The following QKI variants were observed in gnomAD, a reference collection of about 807,000 sequenced individuals.
QKI encodes the protein KH domain-containing RNA-binding protein QKI.
In QKI, 10 loss-of-function variants were observed where a neutral mutation model predicts 39.0. The observed-to-expected ratio is 0.26, with a 90% CI of 0.16 to 0.43. The LOEUF (loss-of-function observed/expected upper bound fraction) is 0.43, where lower values mean the gene tolerates loss of function less well. Among genes scored for constraint, QKI ranks in the 20% least tolerant of loss-of-function variants. QKI has a pLI of 1.00. For missense variants in QKI, 218 were observed against 428.0 expected, an observed-to-expected ratio of 0.51 and a Z score of 4.33; for synonymous variants, 204 against 155.4, an observed-to-expected ratio of 1.31 and a Z score of -2.33.
At chr6:163,564,168 T>C (rs1160739764) in intron 6 of QKI, 1 of 1,021,178 alleles carries the variant, frequency 9.8e-7, no homozygotes, top group East Asian at 9.1e-5. Context: ...ATTCATATTA[T>C]TGTGTGTGTT....
At chr6:163,480,908 T>G (rs1793026539) in intron 3 of QKI, among the ~76,000 whole-genome samples, 1 of 152,188 alleles carries the variant, frequency 6.6e-6, no homozygotes, top group Admixed American at 6.5e-5. Flanking sequence ...ACAAAACCCC[T>G]TTTTCCCTGC....
At chr6:163,500,103 G>A (rs936833553) in intron 3 of QKI, among the ~76,000 whole-genome samples, 1 of 152,160 alleles carries the variant, frequency 6.6e-6, no homozygotes, top group South Asian at 2.1e-4. Flanking sequence ...ACTGTCCAAG[G>A]AATAGCAAAG....
Position 163,577,588 on chromosome 6 carries a change from CTCCT to C in QKI, c.*6883_*6886del, listed in dbSNP as rs200710332. 0.027 allele frequency: 4,072 copies of C among 152,718 alleles called. 95 individuals are homozygous for C. The highest frequency in any genetic ancestry group is 0.035 in the South Asian group (169 of 4,828). 9.5% of individuals were successfully genotyped at this position (152,718 alleles called of 1,614,324 possible). A position where few individuals can be genotyped will look rare whatever the true frequency, so the allele number is the denominator to read the frequency against. The stretch of plus-strand genomic sequence containing the variant: ...TCCCTGGTTAGTCGCCACCCCACCA[CTCCT>C]TCCTGTCTCTAGTGTCACACTTGGG... On this transcript the variant is annotated 3_prime_UTR_variant, in exon 8 of 8. Transcript: ENST00000361752.
chr6:163,565,777 C>T (rs1188413274), intron 6 of QKI: 1 of 1,290,626 alleles, frequency 7.7e-7, no homozygotes, highest in Admixed American at 3.3e-5. Flanking sequence ...AATTTGCACA[C>T]AGATAACATG....
rs570938802 is a variant in QKI, at chr6:163,461,264, T to C, written c.285+5843T>C. ...GGGATATACCACATTTCTTAGAATGTTAGTAAATAATTACAGAAAGGGTTA... is the reference window on the plus strand; with the variant it reads ...GGGATATACCACATTTCTTAGAATGCTAGTAAATAATTACAGAAAGGGTTA... On this transcript the variant is annotated intron_variant, in intron 2 of 7. Transcript: ENST00000361752. Among the ~76,000 whole-genome samples, 57 of 152,340 alleles carry C rather than the reference T, an allele frequency of 3.7e-4. 1 individual carries two copies. The highest frequency in any genetic ancestry group is 1.3e-3 in the African/African-American group (55 of 41,582).
At chr6:163,487,988 C>A (rs1777785095) in intron 3 of QKI, among the ~76,000 whole-genome samples, 1 of 152,022 alleles carries the variant, frequency 6.6e-6, no homozygotes, top group Non-Finnish European at 1.5e-5. Context: ...TCTTTATTTG[C>A]TAGTTTTTAA....
chr6:163,437,646 C>T (rs577825859), intron 1 of QKI, among the ~76,000 whole-genome samples: 2 of 152,242 alleles, frequency 1.3e-5, no homozygotes, highest in South Asian at 4.1e-4. Flanking sequence ...AGTAATGTTA[C>T]TGTTTCACAT....
chr6:163,531,431 G>T (rs1022357344), intron 3 of QKI, among the ~76,000 whole-genome samples: 4 of 152,190 alleles, frequency 2.6e-5, no homozygotes, highest in African/African-American at 4.8e-5. Flanking sequence ...GTGGACAGGG[G>T]ATATGGGAAT....
intron 3 of QKI, among the ~76,000 whole-genome samples, chr6:163,529,473 C>G (rs1280684291): frequency 2.6e-5 from 4 of 151,968 alleles, no homozygotes; most frequent in Admixed American, 2.0e-4. Flanking sequence ...TTGGAGCAAA[C>G]TTTCTAATAG....
intron 3 of QKI, among the ~76,000 whole-genome samples, chr6:163,524,411 A>C (rs1476363543): frequency 1.3e-5 from 2 of 152,158 alleles, no homozygotes; most frequent in South Asian, 2.1e-4. Flanking sequence ...ACCGCTAGTC[A>C]TGTCATTTTA....
At chr6:163,467,374 G>A (rs1791844401) in intron 2 of QKI, among the ~76,000 whole-genome samples, 1 of 152,208 alleles carries the variant, frequency 6.6e-6, no homozygotes, top group African/African-American at 2.4e-5. Context: ...CATATGTTTA[G>A]AACTTTCTCA....
rs901853670 is a variant in QKI, at chr6:163,576,972, G to T, written c.*6262G>T. On this transcript the variant is annotated 3_prime_UTR_variant, in exon 8 of 8. Transcript: ENST00000361752. ...AAACATTTTTTTATCTTTAATAAAT[G>T]GTACAGTTTTTATGTAGTTTTCGAA... is the stretch of plus-strand genomic sequence containing the variant. The T allele has an allele frequency of 6.6e-6, 1 of 152,036 alleles. No homozygotes were observed. Among genetic ancestry groups the T allele is most frequent in the African/African-American group, 2.4e-5 (1 of 41,406 alleles). The allele number at this position is 152,036 out of a possible 1,614,324, so 9.4% of individuals were successfully genotyped here.
At chr6:163,558,387 T>G (rs1262894881) in intron 4 of QKI, among the ~76,000 whole-genome samples, 1 of 151,402 alleles carries the variant, frequency 6.6e-6, no homozygotes, top group African/African-American at 2.4e-5. Context: ...TGTTGTCTCT[T>G]CTTTTTTTTT....
intron 3 of QKI, among the ~76,000 whole-genome samples, chr6:163,491,813 A>T (rs1347111390): frequency 2.0e-5 from 3 of 152,210 alleles, no homozygotes; most frequent in African/African-American, 7.2e-5. Flanking sequence ...CAATAAGAAT[A>T]GACTTTTGTT....
intron 3 of QKI, among the ~76,000 whole-genome samples, chr6:163,518,953 G>T (rs1779991193): frequency 6.6e-6 from 1 of 152,114 alleles, no homozygotes; most frequent in African/African-American, 2.4e-5. Flanking sequence ...ATGTAAATAG[G>T]TATTTAGAGT....
At chr6:163,554,860 A>G (rs767849334) in intron 4 of QKI, among the ~76,000 whole-genome samples, 38 of 152,220 alleles carry the variant, frequency 2.5e-4, no homozygotes, top group Non-Finnish European at 3.8e-4. Context: ...GACCTATCTC[A>G]GTAATCACGC....
chr6:163,578,016 ATATCT>A lies in QKI; in HGVS notation c.*7308_*7312del, dbSNP rs764405326. The stretch of plus-strand genomic sequence containing the variant: ...TAATAGTCATGGTAAGTTTGGCATC[ATATCT>A]TCCCCAAAAAATGTTTATTAAAATT... On this transcript the variant is annotated 3_prime_UTR_variant, in exon 8 of 8. Coordinates refer to ENST00000361752, the MANE Select transcript of QKI (RefSeq NM_006775.3). The A allele has an allele frequency of 2.2e-4, 33 of 152,172 alleles. No individual in the cohort carries two copies. Among genetic ancestry groups the A allele is most frequent in the Non-Finnish European group, 2.8e-4 (19 of 68,036 alleles). The allele number at this position is 152,172 out of a possible 1,614,324, so 9.4% of individuals were successfully genotyped here.
rs1783759979 is a variant in QKI at position 163,572,670 on chromosome 6, A to ACACCCCCCCCC, written c.*1961_*1962insACCCCCCCCCC. 1.5e-4 allele frequency: 3 copies of ACACCCCCCCCC among 19,630 alleles called. No homozygotes were observed. The highest frequency in any genetic ancestry group is 2.2e-4 in the African/African-American group (1 of 4,496). 1.2% of individuals were successfully genotyped at this position (19,630 alleles called of 1,614,324 possible). A position where few individuals can be genotyped will look rare whatever the true frequency, so the allele number is the denominator to read the frequency against. On this transcript the variant is annotated 3_prime_UTR_variant, in exon 8 of 8. Coordinates refer to ENST00000361752, the MANE Select transcript of QKI (RefSeq NM_006775.3). Reference sequence around the variant, plus strand: ...CGTGGCAAATCTCAAGTGACAGTGGACCCCCCCCCCCGCCCAGCTTATCAA... The same window carrying ACACCCCCCCCC: ...CGTGGCAAATCTCAAGTGACAGTGGACACCCCCCCCCCCCCCCCCCCCGCCCAGCTTATCAA...
chr6:163,449,171 G>A (rs1260223906), intron 1 of QKI, among the ~76,000 whole-genome samples: 1 of 152,136 alleles, frequency 6.6e-6, no homozygotes, highest in African/African-American at 2.4e-5. Flanking sequence ...AGACAGTGTG[G>A]AAATACTGGA....
Sources: allele counts gnomAD v4.1 joint callset (sites outside exome capture counted in the v4.1 genomes callset), GRCh38; gene constraint gnomAD v4.1.1; transcripts MANE v1.5; gene names NCBI Gene and HGNC (gene_info 2026-07-23, HGNC 2026-07-21).